Variants in ZNF385D observed in about 807,000 individuals in gnomAD.
ZNF385D encodes zinc finger protein 659.
A neutral mutation model predicts 35.8 loss-of-function variants in ZNF385D; 15 were observed. The ratio of observed to expected loss-of-function variants is 0.42; its 90% CI spans 0.28 to 0.64. ZNF385D has a LOEUF of 0.64. Ranked by LOEUF, ZNF385D falls within the 30% of genes least tolerant of loss-of-function variation. ZNF385D has a pLI of 0.23. For synonymous variants in ZNF385D, 212 were observed against 186.8 expected (o/e 1.13, Z -1.10); for missense variants, 474 against 494.6 (o/e 0.96, Z 0.39).
intron 3 of ZNF385D, among the ~76,000 whole-genome samples, chr3:21,870,982 A>G (rs1697660763): frequency 6.6e-6 from 1 of 152,158 alleles, no homozygotes; most frequent in African/African-American, 2.4e-5. Context: ...CAGATGTAAA[A>G]TGAATCATGC....
At chr3:21,510,232 G>A (rs1248697075) in intron 4 of ZNF385D, among the ~76,000 whole-genome samples, 1 of 152,096 alleles carries the variant, frequency 6.6e-6, no homozygotes, top group Non-Finnish European at 1.5e-5. Context: ...GAATAAGCTG[G>A]TCGTTGGCAG....
intron 3 of ZNF385D, among the ~76,000 whole-genome samples, chr3:22,155,040 T>C (rs1317064938): frequency 6.6e-6 from 1 of 152,148 alleles, no homozygotes; most frequent in Non-Finnish European, 1.5e-5. Context: ...TTTTTAAACA[T>C]CATTGTATAA....
At chr3:21,876,786 A>C (rs1293370395) in intron 3 of ZNF385D, among the ~76,000 whole-genome samples, 1 of 152,068 alleles carries the variant, frequency 6.6e-6, no homozygotes, top group Non-Finnish European at 1.5e-5. Flanking sequence ...CTAATGTGAA[A>C]ATAACATTCT....
At chr3:22,283,622 A>T (rs2358584) in intron 2 of ZNF385D, among the ~76,000 whole-genome samples, 24,674 of 152,116 alleles carry the variant, frequency 0.16, 4,222 homozygotes, top group African/African-American at 0.44. Context: ...TGCAGCTTTG[A>T]GCAAGATGCT....
intron 2 of ZNF385D, among the ~76,000 whole-genome samples, chr3:22,181,397 A>G (rs1171693001): frequency 1.3e-5 from 2 of 152,018 alleles, no homozygotes; most frequent in Non-Finnish European, 2.9e-5. Flanking sequence ...GCTTCTACCA[A>G]TAGAATATGG....
intron 3 of ZNF385D, among the ~76,000 whole-genome samples, chr3:22,114,885 T>C (rs1702729511): frequency 6.6e-6 from 1 of 152,060 alleles, no homozygotes; most frequent in South Asian, 2.1e-4. Flanking sequence ...TTACAGGGCA[T>C]CTGGCAGCCC....
chr3:21,454,105 A>G (rs1013875959), intron 4 of ZNF385D, among the ~76,000 whole-genome samples: 1 of 152,106 alleles, frequency 6.6e-6, no homozygotes, highest in African/African-American at 2.4e-5. Context: ...ACAAAATACC[A>G]CACGTTGTAT....
At chr3:22,131,041 C>T (rs1007929764) in intron 3 of ZNF385D, among the ~76,000 whole-genome samples, 2 of 152,036 alleles carry the variant, frequency 1.3e-5, no homozygotes, top group East Asian at 3.8e-4. Flanking sequence ...AAATTTATGA[C>T]ATTCGGAGAA....
intron 4 of ZNF385D, among the ~76,000 whole-genome samples, chr3:21,486,591 C>G (rs1705046922): frequency 6.6e-6 from 1 of 152,110 alleles, no homozygotes. Flanking sequence ...ACTGAATTTC[C>G]TATCTGCTGG....
At chr3:21,949,554 C>CT (rs372298558) in intron 3 of ZNF385D, among the ~76,000 whole-genome samples, 1,392 of 112,944 alleles carry the variant, frequency 0.012, 15 homozygotes, top group African/African-American at 0.012. Context: ...TTCTTTCTTT[C>CT]TTTTTTTTTT....
chr3:22,009,281 T>TAAA (rs1559844851), intron 3 of ZNF385D, among the ~76,000 whole-genome samples: 2 of 151,700 alleles, frequency 1.3e-5, no homozygotes, highest in Non-Finnish European at 2.9e-5. Flanking sequence ...GGAGAATAAA[T>TAAA]TGTGGTATAG....
At chr3:21,855,159 G>A (rs370382299) in intron 3 of ZNF385D, among the ~76,000 whole-genome samples, 104 of 152,034 alleles carry the variant, frequency 6.8e-4, no homozygotes, top group Middle Eastern at 6.8e-3. Context: ...ACCTATCTCT[G>A]AAAGTAACAG....
At chr3:21,458,092 C>T (rs1702932085) in intron 4 of ZNF385D, among the ~76,000 whole-genome samples, 1 of 151,974 alleles carries the variant, frequency 6.6e-6, no homozygotes, top group African/African-American at 2.4e-5. Context: ...ACTAGCAATG[C>T]AGGGCAAAAA....
chr3:21,681,200 C>T (rs774587920), intron 1 of ZNF385D, among the ~76,000 whole-genome samples: 40 of 141,624 alleles, frequency 2.8e-4, no homozygotes, highest in African/African-American at 3.4e-4. Context: ...TCCCTGATAA[C>T]GTAGGAATAT....
intron 2 of ZNF385D, among the ~76,000 whole-genome samples, chr3:22,268,724 C>T (rs567518842): frequency 5.9e-5 from 9 of 152,100 alleles, no homozygotes; most frequent in South Asian, 2.1e-4. Context: ...TTGAGAGGCA[C>T]GTTATGTTAT....
chr3:21,524,324 G>T (rs1015270654), intron 3 of ZNF385D, among the ~76,000 whole-genome samples: 1 of 152,114 alleles, frequency 6.6e-6, no homozygotes, highest in African/African-American at 2.4e-5. Context: ...CAAACAAAAA[G>T]AATTTTCCTG....
At chr3:21,895,258 A>C (rs1699072905) in intron 3 of ZNF385D, among the ~76,000 whole-genome samples, 1 of 146,834 alleles carries the variant, frequency 6.8e-6, no homozygotes, top group Non-Finnish European at 1.5e-5. Flanking sequence ...GGCGGACATG[A>C]GATTCCTACA....
chr3:21,927,029 C>A (rs1261072210), intron 3 of ZNF385D, among the ~76,000 whole-genome samples: 1 of 152,102 alleles, frequency 6.6e-6, no homozygotes, highest in Non-Finnish European at 1.5e-5. Flanking sequence ...CAGATCACTC[C>A]TGAATGGCTT....
chr3:22,230,265 A>C (rs931709806), intron 2 of ZNF385D, among the ~76,000 whole-genome samples: 11 of 152,174 alleles, frequency 7.2e-5, no homozygotes, highest in African/African-American at 2.4e-4. Context: ...CTGTATAATG[A>C]TATTTTACAA....
Sources: allele counts gnomAD v4.1 joint callset (sites outside exome capture counted in the v4.1 genomes callset), GRCh38; gene constraint gnomAD v4.1.1; transcripts MANE v1.5; gene names NCBI Gene and HGNC (gene_info 2026-07-23, HGNC 2026-07-21).